STPG2: variants seen among roughly 807,000 people sequenced by gnomAD.
STPG2 encodes sperm-tail PG-rich repeat-containing protein 2.
In STPG2, 56 loss-of-function variants were observed where a neutral mutation model predicts 54.2. The observed-to-expected ratio is 1.03, with a 90% CI of 0.83 to 1.29. The LOEUF (loss-of-function observed/expected upper bound fraction) is 1.29, where lower values mean the gene tolerates loss of function less well. STPG2 is among the 50% of genes most tolerant of loss of function. The pLI, the probability that STPG2 is intolerant of heterozygous loss-of-function variation, is 0.00. For missense variants in STPG2, 596 were observed against 544.9 expected (o/e 1.09, Z -0.93); for synonymous variants, 200 against 181.8 (o/e 1.10, Z -0.81).
intron 8 of STPG2, among the ~76,000 whole-genome samples, chr4:97,894,261 A>G (rs551875525): frequency 6.6e-6 from 1 of 152,040 alleles, no homozygotes; most frequent in African/African-American, 2.4e-5. Flanking sequence ...ATATTTATTT[A>G]TACATCACCT....
intron 4 of STPG2, among the ~76,000 whole-genome samples, chr4:97,516,226 A>T (rs1731072146): frequency 1.3e-5 from 2 of 152,230 alleles, no homozygotes; most frequent in African/African-American, 2.4e-5. Context: ...GTTCATTCAA[A>T]ATATCAATTT....
chr4:97,960,765 C>T (rs1002294657), intron 7 of STPG2, among the ~76,000 whole-genome samples: 3 of 151,970 alleles, frequency 2.0e-5, no homozygotes, highest in African/African-American at 7.3e-5. Context: ...TGAAAATGAC[C>T]ATATTGCCAA....
chr4:97,908,034 A>C (rs905946092), intron 8 of STPG2, among the ~76,000 whole-genome samples: 1 of 152,138 alleles, frequency 6.6e-6, no homozygotes, highest in African/African-American at 2.4e-5. Flanking sequence ...TTATTAAACT[A>C]AAGAGCTTCT....
chr4:97,877,965 T>C (rs1388985647), intron 8 of STPG2, among the ~76,000 whole-genome samples: 1 of 152,150 alleles, frequency 6.6e-6, no homozygotes, highest in Non-Finnish European at 1.5e-5. Flanking sequence ...ATTGGGTAAA[T>C]ACAGCCATTC....
Position 98,117,504 on chromosome 4 carries a change from C to T in STPG2, c.388-8199G>A, listed in dbSNP as rs1739554796. ...TTCAGCCATGATTTCTTCAAATATT[C>T]TCTTTTCTCCTTCCTCTTTCTCCTC... is the stretch of plus-strand genomic sequence containing the variant. On this transcript the variant is annotated intron_variant, in intron 3 of 10. Coordinates refer to ENST00000295268, the MANE Select transcript of STPG2 (RefSeq NM_174952.3). 2.0e-5 allele frequency among the ~76,000 whole-genome samples: 3 copies of T among 151,904 alleles called. 1 individual carries two copies. In the South Asian group the frequency reaches 6.2e-4, roughly 32 times the overall value.
intron 4 of STPG2, among the ~76,000 whole-genome samples, chr4:97,487,414 A>G (rs1369363313): frequency 1.3e-5 from 2 of 151,628 alleles, no homozygotes; most frequent in African/African-American, 2.4e-5. Flanking sequence ...TTTAGTTTTA[A>G]AAATTTTATA....
intron 5 of STPG2, among the ~76,000 whole-genome samples, chr4:98,079,801 T>C (rs958840671): frequency 2.0e-5 from 3 of 152,172 alleles, no homozygotes; most frequent in Non-Finnish European, 4.4e-5. Context: ...TGTAATTTTA[T>C]AATCAATATC....
intron 9 of STPG2, among the ~76,000 whole-genome samples, chr4:97,793,363 TTA>T (rs111505004): frequency 7.9e-5 from 11 of 138,508 alleles, no homozygotes; most frequent in Admixed American, 1.4e-4. Flanking sequence ...AATTAGAGTT[TTA>T]TATATACACA....
At chr4:97,589,640 C>T (rs1160744715) in intron 10 of STPG2, among the ~76,000 whole-genome samples, 1 of 152,076 alleles carries the variant, frequency 6.6e-6, no homozygotes, top group Admixed American at 6.5e-5. Context: ...TTCAACTCAG[C>T]CTTTGTAGTG....
chr4:97,961,545 G>A (rs1029745551), intron 7 of STPG2, among the ~76,000 whole-genome samples: 1 of 152,016 alleles, frequency 6.6e-6, no homozygotes, highest in Non-Finnish European at 1.5e-5. Context: ...AGTGGGCTGA[G>A]GACATGAATA....
chr4:97,887,299 G>C (rs191751495), intron 8 of STPG2, among the ~76,000 whole-genome samples: 1 of 152,168 alleles, frequency 6.6e-6, no homozygotes, highest in Non-Finnish European at 1.5e-5. Flanking sequence ...CTAGAGACTG[G>C]TTCAATGGTT....
Position 97,904,594 on chromosome 4 carries a change from A to G in STPG2, c.1044+39303T>C, listed in dbSNP as rs188463435. Among the ~76,000 whole-genome samples the G allele has an allele frequency of 2.6e-3, 394 of 152,372 alleles. 3 individuals are homozygous for G. The highest frequency in any genetic ancestry group is 8.8e-3 in the African/African-American group (368 of 41,588). ...CGCAGTTCCTCACCAGCAACGGAAC[A>G]AAGCTGGACAGAGAATGACTTTGAC... On this transcript the variant is annotated intron_variant, in intron 8 of 10. Transcript: ENST00000295268.
At position 97,987,208 on chromosome 4, in the gene STPG2, C is replaced by T. The variant is rs145944290; in HGVS notation, c.613-5890G>A. Among the ~76,000 whole-genome samples, 540 of 152,236 alleles carry T rather than the reference C, an allele frequency of 3.5e-3. 2 individuals are homozygous for T. Among genetic ancestry groups the T allele is most frequent in the Non-Finnish European group, 6.0e-3 (411 of 68,008 alleles). ...AGCAGCCCTTGAACCTGAAAACACA[C>T]TACCTGAAACTTTGCTGCCCTCTAC... On this transcript the variant is annotated intron_variant, in intron 5 of 10. Transcript: ENST00000295268.
intron 8 of STPG2, among the ~76,000 whole-genome samples, chr4:97,891,248 T>C (rs114816206): frequency 0.017 from 2,590 of 152,182 alleles, 73 homozygotes; most frequent in African/African-American, 0.059. Flanking sequence ...TAAAAGTTTA[T>C]CTGTATAAGA....
At chr4:97,861,865 C>A (rs1729557762) in intron 8 of STPG2, among the ~76,000 whole-genome samples, 1 of 151,996 alleles carries the variant, frequency 6.6e-6, no homozygotes, top group Non-Finnish European at 1.5e-5. Context: ...TACAGACAAG[C>A]AAATGCTGAG....
chr4:97,945,904 C>A (rs1733197047), intron 7 of STPG2, among the ~76,000 whole-genome samples: 4 of 151,920 alleles, frequency 2.6e-5, no homozygotes, highest in Admixed American at 6.6e-5. Flanking sequence ...ACAAAAAACA[C>A]AAAAATTAGC....
At chr4:97,760,510 A>G (rs952649723) in intron 9 of STPG2, among the ~76,000 whole-genome samples, 6 of 152,224 alleles carry the variant, frequency 3.9e-5, no homozygotes, top group African/African-American at 1.2e-4. Flanking sequence ...CCACAAGCTT[A>G]AAACAGTAGG....
At chr4:97,929,339 G>A (rs149348608) in intron 8 of STPG2, among the ~76,000 whole-genome samples, 237 of 152,254 alleles carry the variant, frequency 1.6e-3, no homozygotes, top group African/African-American at 5.6e-3. Flanking sequence ...ATAAGCATTT[G>A]CATGCATGTG....
chr4:98,119,113 G>T (rs1361834724), intron 3 of STPG2, among the ~76,000 whole-genome samples: 1 of 152,100 alleles, frequency 6.6e-6, no homozygotes, highest in African/African-American at 2.4e-5. Context: ...ATAGGTAAGA[G>T]TTTGATGAGG....
Sources: allele counts gnomAD v4.1 joint callset (sites outside exome capture counted in the v4.1 genomes callset), GRCh38; gene constraint gnomAD v4.1.1; transcripts MANE v1.5; gene names NCBI Gene and HGNC (gene_info 2026-07-23, HGNC 2026-07-21).